GGACT: variants seen among roughly 807,000 people sequenced by gnomAD.
The protein encoded by GGACT is gamma-glutamylaminecyclotransferase.
For missense variants in GGACT, 241 were observed against 233.2 expected (o/e 1.03, Z -0.22); for synonymous variants, 118 against 115.3 (o/e 1.02, Z -0.15).
intron 2 of GGACT, among the ~76,000 whole-genome samples, chr13:100,544,247 T>C (rs2088583233): frequency 6.6e-6 from 1 of 152,216 alleles, no homozygotes; most frequent in Non-Finnish European, 1.5e-5. Context: ...AGAAGTTTCT[T>C]AGAACTGTAG....
chr13:100,559,882 A>G (rs1005948459), intron 2 of GGACT, among the ~76,000 whole-genome samples: 8 of 152,266 alleles, frequency 5.3e-5, no homozygotes, highest in African/African-American at 1.9e-4. Context: ...TTTAACAGCC[A>G]ATAACTAGAA....
chr13:100,557,207 A>C (rs2088716561), intron 2 of GGACT, among the ~76,000 whole-genome samples: 1 of 152,206 alleles, frequency 6.6e-6, no homozygotes, highest in African/African-American at 2.4e-5. Context: ...TTCTATTTCA[A>C]TACTTAACTA....
intron 1 of GGACT, among the ~76,000 whole-genome samples, chr13:100,584,337 GCC>G (rs1875502192): frequency 6.6e-6 from 1 of 152,170 alleles, no homozygotes; most frequent in African/African-American, 2.4e-5. Flanking sequence ...ATATGGTGCA[GCC>G]GGAGGTCGTT....
chr13:100,549,428 C>T (rs532153621), intron 2 of GGACT, among the ~76,000 whole-genome samples: 1 of 152,364 alleles, frequency 6.6e-6, no homozygotes, highest in South Asian at 2.1e-4. Context: ...ATCCAGGGCT[C>T]GCTGCTGGTT....
chr13:100,576,365 G>A (rs1318476774), intron 2 of GGACT, among the ~76,000 whole-genome samples: 1 of 152,186 alleles, frequency 6.6e-6, no homozygotes, highest in African/African-American at 2.4e-5. Context: ...AGCAGTACAG[G>A]CATGGTGGAA....
Position 100,534,738 on chromosome 13 carries a change from C to T in GGACT, c.-10-2137G>A, listed in dbSNP as rs1207564640. 6.6e-6 allele frequency among the ~76,000 whole-genome samples: 1 copy of T among 152,158 alleles called. No individual in the cohort carries two copies. Among genetic ancestry groups the T allele is most frequent in the Non-Finnish European group, 1.5e-5 (1 of 68,026 alleles). On this transcript the variant is annotated intron_variant, in intron 2 of 2. Coordinates refer to ENST00000683975, the MANE Select transcript of GGACT (RefSeq NM_001195087.2). This position sits in a 1 kb window ranked among gnomAD's most constrained non-coding sequence, Gnocchi z 4.9. Reference sequence around the variant, plus strand: ...TTCCCCTGCCACGTCTCCCAACCTGCTCTCCTCCTCCAATGCCTGCCTGCA... The same window carrying T: ...TTCCCCTGCCACGTCTCCCAACCTGTTCTCCTCCTCCAATGCCTGCCTGCA...
intron 2 of GGACT, among the ~76,000 whole-genome samples, chr13:100,576,352 C>T (rs1875246283): frequency 6.6e-6 from 1 of 152,168 alleles, no homozygotes; most frequent in Admixed American, 6.5e-5. Context: ...GGTGGGAATG[C>T]AAAGCAGTAC....
At chr13:100,557,715 G>C (rs1333738445) in intron 2 of GGACT, among the ~76,000 whole-genome samples, 2 of 152,082 alleles carry the variant, frequency 1.3e-5, no homozygotes, top group Admixed American at 6.5e-5. Context: ...ACATGAATAA[G>C]TTTTGACTTC....
chr13:100,573,522 A>G (rs955395772), intron 2 of GGACT, among the ~76,000 whole-genome samples: 2 of 152,072 alleles, frequency 1.3e-5, no homozygotes, highest in Non-Finnish European at 2.9e-5. Flanking sequence ...TAGGTTCTTT[A>G]TTTGTTTGTT....
chr13:100,553,707 G>T (rs1279604583), intron 2 of GGACT, among the ~76,000 whole-genome samples: 1 of 152,092 alleles, frequency 6.6e-6, no homozygotes, highest in Non-Finnish European at 1.5e-5. Context: ...AGCTAGGCGT[G>T]GTGGTGTGCA....
At chr13:100,544,497 A>G (rs2088586772) in intron 2 of GGACT, among the ~76,000 whole-genome samples, 1 of 152,220 alleles carries the variant, frequency 6.6e-6, no homozygotes, top group Admixed American at 6.5e-5. Flanking sequence ...ATACCCCGGA[A>G]AAGTCCCTGG....
intron 2 of GGACT, among the ~76,000 whole-genome samples, chr13:100,562,152 G>C (rs1025576818): frequency 6.6e-6 from 1 of 152,008 alleles, no homozygotes; most frequent in Non-Finnish European, 1.5e-5. Context: ...CAAATTACTG[G>C]AAGTACACAG....
chr13:100,581,665 G>A (rs1875421159), intron 2 of GGACT, among the ~76,000 whole-genome samples: 1 of 152,228 alleles, frequency 6.6e-6, no homozygotes, highest in Admixed American at 6.5e-5. Flanking sequence ...AGTGCAGGCT[G>A]CTCACTGTGA....
At chr13:100,573,884 CAAA>C (rs34897728) in intron 2 of GGACT, among the ~76,000 whole-genome samples, 1 of 119,200 alleles carries the variant, frequency 8.4e-6, no homozygotes, top group Non-Finnish European at 1.8e-5. Context: ...ATCAAAAAGT[CAAA>C]AAAAAAAAAA....
intron 1 of GGACT, among the ~76,000 whole-genome samples, chr13:100,587,809 C>CG (rs1875625175): frequency 6.6e-6 from 1 of 152,202 alleles, no homozygotes; most frequent in South Asian, 2.1e-4. Context: ...GGGCGGATCA[C>CG]GGGGTCAGGA....
rs1300096799 is a variant in GGACT, at chr13:100,532,311, C to G, written c.281G>C (p.Arg94Pro). The G allele has an allele frequency of 1.3e-6, 2 of 1,548,588 alleles. No homozygotes were observed. The highest frequency in any genetic ancestry group is 2.4e-5 in the South Asian group (2 of 83,948). The change falls in exon 3 of 3, where the codon CGG becomes CCG. Residue 94 changes from arginine (R) to proline (P), a missense_variant. Physicochemically the swap from Arg to Pro is moderately radical, Grantham distance 103 (BLOSUM62 -2). Transcript: ENST00000683975. ...GGCCCGGTCCTCCAGCAGCTGTACCCGCAGCACCGTGCGCTGGTACAGGGC... is the reference window on the plus strand; with the variant it reads ...GGCCCGGTCCTCCAGCAGCTGTACCGGCAGCACCGTGCGCTGGTACAGGGC... ...CPALYQRTVL[R>P]VQLLEDRAPG... is the part of the protein sequence containing the mutation.
At chr13:100,543,047 TATG>T (rs1430150227) in intron 2 of GGACT, among the ~76,000 whole-genome samples, 1 of 152,150 alleles carries the variant, frequency 6.6e-6, no homozygotes, top group Non-Finnish European at 1.5e-5. Flanking sequence ...TTTAAGAGTT[TATG>T]ATGATAGTTT....
chr13:100,561,482 G>C lies in GGACT; in HGVS notation c.-11+22343C>G, dbSNP rs181549429. 3.2e-3 allele frequency among the ~76,000 whole-genome samples: 484 copies of C among 152,300 alleles called. 6 individuals are homozygous for C. The highest frequency in any genetic ancestry group is 3.2e-3 in the Non-Finnish European group (218 of 68,032). On this transcript the variant is annotated intron_variant, in intron 2 of 2. Transcript: ENST00000683975. ...CCTCCTGCCTCTTCACCCCGATTTT[G>C]AGCTATCTTAATGCAGTGTCTTCCC...
chr13:100,554,577 C>T (rs60927459), intron 2 of GGACT, among the ~76,000 whole-genome samples: 2,725 of 152,094 alleles, frequency 0.018, 74 homozygotes, highest in African/African-American at 0.063. Flanking sequence ...CAAGGAATCA[C>T]GATTAATATT....
Sources: allele counts gnomAD v4.1 joint callset (sites outside exome capture counted in the v4.1 genomes callset), GRCh38; gene constraint gnomAD v4.1.1; non-coding constraint Gnocchi (gnomAD v3.1); transcripts MANE v1.5; gene names NCBI Gene and HGNC (gene_info 2026-07-23, HGNC 2026-07-21).